Variants in CD34 observed in about 807,000 individuals in gnomAD.
CD34 encodes the protein CD34 molecule, also known as hematopoietic progenitor cell antigen CD34.
In CD34, 34 loss-of-function variants were observed where a neutral mutation model predicts 40.1. The observed-to-expected ratio is 0.85, with a 90% CI of 0.65 to 1.13. The LOEUF (loss-of-function observed/expected upper bound fraction) is 1.13. Ranked by LOEUF, CD34 falls within the 50% of genes most tolerant of loss-of-function variation. CD34 has a pLI of 0.00. For missense variants in CD34, 426 were observed against 466.9 expected (o/e 0.91, Z 0.81); for synonymous variants, 209 against 190.0 (o/e 1.10, Z -0.82).
Position 207,904,807 on chromosome 1 carries a change from T to A in CD34, c.80-4804A>T, listed in dbSNP as rs190168005. The stretch of plus-strand genomic sequence containing the variant: ...AGTGCTGGAGCCATTCTTATTCTTA[T>A]GTGTTTTACTCCTGGTGCTTAGCAC... On this transcript the variant is annotated intron_variant, in intron 1 of 7. Transcript: ENST00000310833. Among the ~76,000 whole-genome samples the A allele has an allele frequency of 1.1e-3, 172 of 152,240 alleles. 1 individual carries two copies. The highest frequency in any genetic ancestry group is 3.8e-4 in the Non-Finnish European group (26 of 68,046).
In CD34 at chr1:207,883,874, T is replaced by A. The variant is rs768155719; in HGVS notation, c.*3864A>T. The A allele has an allele frequency of 1.3e-5, 2 of 152,202 alleles. No homozygotes were observed. The highest frequency in any genetic ancestry group is 2.9e-5 in the Non-Finnish European group (2 of 68,032). The allele number at this position is 152,202 out of a possible 1,614,324, so 9.4% of individuals were successfully genotyped here. ...TGCTCCCAGCCATGATCGTTCTTCTTGCTACGGTCTCCTTCTACTTTCTTA... is the reference window on the plus strand; with the variant it reads ...TGCTCCCAGCCATGATCGTTCTTCTAGCTACGGTCTCCTTCTACTTTCTTA... On this transcript the variant is annotated 3_prime_UTR_variant, in exon 8 of 8. Transcript: ENST00000310833.
intron 1 of CD34, among the ~76,000 whole-genome samples, chr1:207,907,086 TC>T (rs1662398065): frequency 6.6e-6 from 1 of 151,926 alleles, no homozygotes; most frequent in African/African-American, 2.4e-5. Context: ...TACTTTACCC[TC>T]CCCAGAGAGC....
rs573068415 is a variant in CD34, at chr1:207,882,140, C to T, written c.*5598G>A. 1 of 152,280 alleles carries T rather than the reference C, an allele frequency of 6.6e-6. No individual in the cohort carries two copies. Among genetic ancestry groups the T allele is most frequent in the South Asian group, 2.1e-4 (1 of 4,824 alleles). 9.4% of individuals were successfully genotyped at this position (152,280 alleles called of 1,614,324 possible). A position where few individuals can be genotyped will look rare whatever the true frequency, so the allele number is the denominator to read the frequency against. ...AAAACCCTGGACATTATATATAAGTCAAACATAGGGAGACTCCGATATGTA... is the reference window on the plus strand; with the variant it reads ...AAAACCCTGGACATTATATATAAGTTAAACATAGGGAGACTCCGATATGTA... On this transcript the variant is annotated 3_prime_UTR_variant, in exon 8 of 8. Transcript: ENST00000310833.
At position 207,889,197 on chromosome 1, in the gene CD34, G is replaced by C. The variant is rs200004896; in HGVS notation, c.771C>G (p.Leu257=). The C allele has an allele frequency of 6.2e-6, 10 of 1,612,084 alleles. No homozygotes were observed. The highest frequency in any genetic ancestry group is 1.3e-5 in the African/African-American group (1 of 74,984). Residue 257 remains leucine (L), a synonymous_variant, in exon 6 of 8, where the codon CTC becomes CTG. Transcript: ENST00000310833. ...CAGATTGGTGCTTTTTCATAAGTTG[G>C]AGTTTGCTGGAAATTTCTAGAATTA... ...LANRTEISSK[L]QLMKKHQSDL...
At chr1:207,897,822 A>G (rs1406455902) in intron 3 of CD34, among the ~76,000 whole-genome samples, 1 of 152,162 alleles carries the variant, frequency 6.6e-6, no homozygotes, top group Non-Finnish European at 1.5e-5. Flanking sequence ...GCAAGCAGCT[A>G]TTTGCAACCT....
intron 4 of CD34, among the ~76,000 whole-genome samples, chr1:207,894,682 CA>C (rs907079256): frequency 5.9e-5 from 9 of 152,068 alleles, no homozygotes; most frequent in African/African-American, 2.2e-4. Flanking sequence ...ACACTGCTGC[CA>C]AAAGAATGAC....
At chr1:207,910,428 G>A (rs1662483814) in intron 1 of CD34, among the ~76,000 whole-genome samples, 2 of 152,116 alleles carry the variant, frequency 1.3e-5, no homozygotes, top group Admixed American at 6.5e-5. Flanking sequence ...TTGGTTGTTT[G>A]GTTTTGTTTT....
chr1:207,896,721 T>C (rs1327600681), intron 4 of CD34, among the ~76,000 whole-genome samples: 1 of 152,076 alleles, frequency 6.6e-6, no homozygotes, highest in Non-Finnish European at 1.5e-5. Flanking sequence ...ACAATTCAAA[T>C]TTTAAAGCAT....
Position 207,887,806 on chromosome 1 carries a change from T to TC in CD34, c.1089dup (p.Thr364AspfsTer19). Reference sequence around the variant, plus strand: ...CCGTTTCTGGAGGTGGCCTGGCCGGTCCCGTTTTCCTGAGCCCCTCGGTTC... The same window carrying TC: ...CCGTTTCTGGAGGTGGCCTGGCCGGTCCCCGTTTTCCTGAGCCCCTCGGTTC... On this transcript the variant is annotated frameshift_variant, in exon 8 of 8. Coordinates refer to ENST00000310833, the MANE Select transcript of CD34 (RefSeq NM_001025109.2). LOFTEE classifies it high-confidence loss of function. 6.2e-7 allele frequency: 1 copy of TC among 1,614,194 alleles called. No individual in the cohort carries two copies. The highest frequency in any genetic ancestry group is 8.5e-7 in the Non-Finnish European group (1 of 1,180,032).
At chr1:207,897,948 G>C (rs575238539) in intron 3 of CD34, among the ~76,000 whole-genome samples, 98 of 152,272 alleles carry the variant, frequency 6.4e-4, no homozygotes, top group African/African-American at 2.3e-3. Flanking sequence ...AGGCAAACAG[G>C]GATAATGGGG....
At chr1:207,900,363 G>A (rs576460843) in intron 1 of CD34, among the ~76,000 whole-genome samples, 77 of 152,232 alleles carry the variant, frequency 5.1e-4, no homozygotes, top group African/African-American at 1.8e-3. Context: ...TATAAAAACT[G>A]TAGCAACGTG....
chr1:207,887,624 G>A lies in CD34; in HGVS notation c.*114C>T, dbSNP rs570806174. 16 of 1,456,786 alleles carry A rather than the reference G, an allele frequency of 1.1e-5. 1 individual carries two copies. The South Asian group carries it at 1.7e-4, about 16-fold the overall frequency. 90.2% of individuals were successfully genotyped at this position (1,456,786 alleles called of 1,614,324 possible). A position where few individuals can be genotyped will look rare whatever the true frequency, so the allele number is the denominator to read the frequency against. ...AAGAACAGCCTCTGAGGTGTGTGCA[G>A]TGGGGAAGGGTTGGGCGTAAGAGAT... On this transcript the variant is annotated 3_prime_UTR_variant, in exon 8 of 8. Transcript: ENST00000310833.
At chr1:207,910,853 C>CG in intron 1 of CD34, 149 bp downstream of exon 1, 1 of 776,290 alleles carries the variant, frequency 1.3e-6, no homozygotes, top group Non-Finnish European at 2.0e-6. Context: ...GGCGCTGGCC[C>CG]CGGGGGGAAG....
At chr1:207,891,963 G>C (rs1264015356) in intron 4 of CD34, among the ~76,000 whole-genome samples, 1 of 152,158 alleles carries the variant, frequency 6.6e-6, no homozygotes, top group Non-Finnish European at 1.5e-5. Flanking sequence ...TGGCTGGAGG[G>C]TGAGCAGAGG....
rs1236073365 is a variant in CD34 at position 207,903,992 on chromosome 1, C to T, written c.80-3989G>A. On this transcript the variant is annotated intron_variant, in intron 1 of 7. Coordinates refer to ENST00000310833, the MANE Select transcript of CD34 (RefSeq NM_001025109.2). ...TACATCTGAGTCATAAAGTCCTTTT[C>T]GGGGGGGTATTCTAAGAAAGCAAAG... Among the ~76,000 whole-genome samples the T allele has an allele frequency of 2.0e-5, 3 of 151,990 alleles. No homozygotes were observed. In the South Asian group the frequency reaches 6.2e-4, roughly 32 times the overall value.
At chr1:207,893,717 C>T (rs1315000561) in intron 4 of CD34, among the ~76,000 whole-genome samples, 1 of 152,112 alleles carries the variant, frequency 6.6e-6, no homozygotes, top group Non-Finnish European at 1.5e-5. Context: ...TGCATATAAA[C>T]AGATGTGGTA....
At chr1:207,899,253 C>A (rs1662220176) in intron 2 of CD34, 27 bp from the exon 3 acceptor site, 2 of 1,609,884 alleles carry the variant, frequency 1.2e-6, no homozygotes, top group African/African-American at 2.7e-5. Context: ...CATGGGTGTG[C>A]ATGTGTGCAT....
chr1:207,891,409 C>T (rs149822370), intron 4 of CD34, among the ~76,000 whole-genome samples: 1 of 152,150 alleles, frequency 6.6e-6, no homozygotes, highest in Non-Finnish European at 1.5e-5. Flanking sequence ...CAACCAGGCG[C>T]GGTGACTCAT....
chr1:207,899,855 A>T lies in CD34; in HGVS notation c.228T>A (p.Ser76=). The T allele has an allele frequency of 6.2e-7, 1 of 1,612,928 alleles. No individual in the cohort carries two copies. The highest frequency in any genetic ancestry group is 8.5e-7 in the Non-Finnish European group (1 of 1,179,558). The change falls in exon 2 of 8, where the codon TCT becomes TCA. Residue 76 remains serine, a synonymous_variant. Transcript: ENST00000310833. ...TLGSTSLHPV[S]QHGNEATTNI... is the part of the protein sequence containing the mutation. ...TTGTTGTGGCCTCATTGCCATGTTGAGACACAGGGTGCAGGCTGGTACTTC... is the reference window on the plus strand; with the variant it reads ...TTGTTGTGGCCTCATTGCCATGTTGTGACACAGGGTGCAGGCTGGTACTTC...
Sources: gnomAD v4.1 joint callset for allele counts (sites outside exome capture counted in the v4.1 genomes callset) on GRCh38, gnomAD v4.1.1 for gene constraint, MANE v1.5 for transcripts, NCBI Gene and HGNC (gene_info 2026-07-23, HGNC 2026-07-21) for gene names.